Variants in GPC4 observed in about 807,000 individuals in gnomAD.
The protein encoded by GPC4 is glypican 4, also known as glypican-4.
GPC4 carries 10 observed loss-of-function variants against 35.0 expected under a neutral mutation model. The observed-to-expected ratio is 0.29, with a 90% CI of 0.18 to 0.48. GPC4 has a LOEUF of 0.48. GPC4 is among the 20% of genes least tolerant of loss of function. The pLI, the probability that GPC4 is intolerant of heterozygous loss-of-function variation, is 0.99. For synonymous variants in GPC4, 167 were observed against 170.2 expected (o/e 0.98, Z 0.15); for missense variants, 322 against 451.3 (o/e 0.71, Z 2.60).
rs769183358 is a variant in GPC4 at position 133,414,979 on chromosome X, G to C, written c.-14C>G. On this transcript the variant is annotated 5_prime_UTR_variant, in exon 1 of 9. Transcript: ENST00000370828. ...GAACCGTGCCATGGTGCGGGCCGGG[G>C]CGGACGCGTTCCCACCTTTGGGACC... 8.3e-7 allele frequency: 1 copy of C among 1,204,984 alleles called. No homozygotes were observed. Among genetic ancestry groups the C allele is most frequent in the Non-Finnish European group, 1.1e-6 (1 of 891,322 alleles).
chrX:133,334,131 T>C (rs1756974707), intron 2 of GPC4, among the ~76,000 whole-genome samples: 1 of 112,220 alleles, frequency 8.9e-6, no homozygotes, highest in South Asian at 3.7e-4. Context: ...GTCATGCCTT[T>C]CACGGGCATA....
intron 2 of GPC4, among the ~76,000 whole-genome samples, chrX:133,327,086 T>C (rs2068397302): frequency 8.9e-6 from 1 of 112,868 alleles, no homozygotes; most frequent in Non-Finnish European, 1.9e-5. Flanking sequence ...TCCAGTGCTA[T>C]TAATATTTCA....
At chrX:133,398,405 G>A (rs2068753444) in intron 1 of GPC4, among the ~76,000 whole-genome samples, 1 of 111,771 alleles carries the variant, frequency 8.9e-6, no homozygotes, top group Non-Finnish European at 1.9e-5. Context: ...ATCCGAGCTA[G>A]TGTCTCTATA....
At position 133,339,223 on chromosome X, in the gene GPC4, A is replaced by C. The variant is rs748857660; in HGVS notation, c.279T>G (p.His93Gln). The C allele has an allele frequency of 4.1e-6, 5 of 1,211,386 alleles. No individual in the cohort carries two copies. Among genetic ancestry groups the C allele is most frequent in the Non-Finnish European group, 4.5e-6 (4 of 895,255 alleles). ...AACGTGAAGCAAAGACAGCTTGCAA[A>C]TGATTGCACTGTTCGCTGACCACAC... The part of the protein sequence containing the change: ...FKSVVSEQCN[H>Q]LQAVFASRYK... The change falls in exon 2 of 9, where the codon CAT (histidine) becomes CAG (glutamine). Residue 93 changes from histidine (H) to glutamine (Q), a missense_variant. By Grantham distance (24) the His-to-Gln change is conservative. Around this residue, in one of 3 missense-constraint regions of GPC4, gnomAD observed 163 missense variants for 277.2 expected, o/e 0.59. Transcript: ENST00000370828.
intron 1 of GPC4, among the ~76,000 whole-genome samples, chrX:133,345,534 G>A (rs1283233085): frequency 8.9e-6 from 1 of 112,347 alleles, no homozygotes; most frequent in East Asian, 2.8e-4. Flanking sequence ...TAAACTGGGT[G>A]TGTAAACAGA....
At chrX:133,352,768 CCT>C (rs2068522136) in intron 1 of GPC4, among the ~76,000 whole-genome samples, 2 of 110,850 alleles carry the variant, frequency 1.8e-5, no homozygotes, top group South Asian at 7.7e-4. Flanking sequence ...AGGAATAATC[CCT>C]GTTTTTTTCT....
At chrX:133,402,166 A>G (rs760220919) in intron 1 of GPC4, among the ~76,000 whole-genome samples, 1 of 112,311 alleles carries the variant, frequency 8.9e-6, no homozygotes, top group South Asian at 3.7e-4. Flanking sequence ...TGCTAACCAC[A>G]TGCTTTACAC....
chrX:133,353,207 C>A (rs994552052), intron 1 of GPC4, among the ~76,000 whole-genome samples: 2 of 111,546 alleles, frequency 1.8e-5, no homozygotes, highest in South Asian at 7.6e-4. Context: ...TTCTTTACTG[C>A]AGAACTAACC....
In GPC4 at chrX:133,414,968, T is replaced by A; in HGVS notation, c.-3A>T. On this transcript the variant is annotated 5_prime_UTR_variant, in exon 1 of 9. Transcript: ENST00000370828. Reference sequence around the variant, plus strand: ...GCGGGCAAGCCGAACCGTGCCATGGTGCGGGCCGGGGCGGACGCGTTCCCA... The same window carrying A: ...GCGGGCAAGCCGAACCGTGCCATGGAGCGGGCCGGGGCGGACGCGTTCCCA... 8.3e-7 allele frequency: 1 copy of A among 1,207,491 alleles called. No individual in the cohort carries two copies. Among genetic ancestry groups the A allele is most frequent in the Non-Finnish European group, 1.1e-6 (1 of 892,939 alleles).
intron 1 of GPC4, among the ~76,000 whole-genome samples, chrX:133,386,226 C>T (rs1489236850): frequency 3.1e-5 from 3 of 95,661 alleles, no homozygotes; most frequent in African/African-American, 1.2e-4. Context: ...CAGAAAGAGA[C>T]CCTGTCTCAA....
At chrX:133,386,757 C>A (rs1281190620) in intron 1 of GPC4, among the ~76,000 whole-genome samples, 1 of 111,883 alleles carries the variant, frequency 8.9e-6, no homozygotes, top group East Asian at 2.8e-4. Context: ...ACTACTACCC[C>A]ACCCCCAGTT....
At chrX:133,359,505 G>C (rs1160145350) in intron 1 of GPC4, among the ~76,000 whole-genome samples, 1 of 111,520 alleles carries the variant, frequency 9.0e-6, no homozygotes, top group Non-Finnish European at 1.9e-5. Context: ...ATAAAATCTA[G>C]GCAGGAGCAA....
chrX:133,331,307 A>G (rs1169983198), intron 2 of GPC4, among the ~76,000 whole-genome samples: 2 of 111,489 alleles, frequency 1.8e-5, no homozygotes, highest in East Asian at 5.7e-4. Context: ...AGTTCTGTGC[A>G]TTCGGAAATG....
chrX:133,334,952 T>A (rs1040548501), intron 2 of GPC4, among the ~76,000 whole-genome samples: 1 of 112,139 alleles, frequency 8.9e-6, no homozygotes, highest in African/African-American at 3.2e-5. Flanking sequence ...ATGGCAGCTG[T>A]AATCACCTTA....
At position 133,302,808 on chromosome X, in the gene GPC4, A is replaced by G. The variant is rs947041987; in HGVS notation, c.*59T>C. On this transcript the variant is annotated 3_prime_UTR_variant, in exon 9 of 9. Coordinates refer to ENST00000370828, the MANE Select transcript of GPC4 (RefSeq NM_001448.3). ...AAAGCAAAGTCACTAGGATGGTAGA[A>G]AAGTGATAACTGGTGCCTTTTAACT... 2.7e-6 allele frequency: 3 copies of G among 1,101,183 alleles called. No homozygotes were observed. Among genetic ancestry groups the G allele is most frequent in the Admixed American group, 2.2e-5 (1 of 44,798 alleles). 90.7% of individuals were successfully genotyped at this position (1,101,183 alleles called of 1,213,427 possible). A position where few individuals can be genotyped will look rare whatever the true frequency, so the allele number is the denominator to read the frequency against.
At chrX:133,407,335 T>C (rs1429735039) in intron 1 of GPC4, among the ~76,000 whole-genome samples, 4 of 111,407 alleles carry the variant, frequency 3.6e-5, no homozygotes, top group African/African-American at 6.5e-5. Context: ...AAGCCATGTC[T>C]TCTCCATGTA....
At position 133,352,011 on chromosome X, in the gene GPC4, G is replaced by C. The variant is rs139528996; in HGVS notation, c.161-12670C>G. Among the ~76,000 whole-genome samples the C allele has an allele frequency of 7.0e-4, 78 of 111,877 alleles. No individual in the cohort carries two copies. The East Asian group carries it at 9.0e-3, about 13-fold the overall frequency. On this transcript the variant is annotated intron_variant, in intron 1 of 8. Coordinates refer to ENST00000370828, the MANE Select transcript of GPC4 (RefSeq NM_001448.3). ...CCTCTTGAAAATTACAAGATGAACA[G>C]ACATGGATTTTATTGTTGTTCTCTA...
At chrX:133,354,188 C>CT (rs953457773) in intron 1 of GPC4, among the ~76,000 whole-genome samples, 1 of 111,692 alleles carries the variant, frequency 9.0e-6, no homozygotes, top group Admixed American at 9.5e-5. Flanking sequence ...TCGGGATATA[C>CT]TTTAAGAGTA....
chrX:133,406,885 G>A lies in GPC4; in HGVS notation c.160+7921C>T, dbSNP rs776197085. ...AGGCCAGGAGTTCAAGACCAGCCTG[G>A]CCAACATGGTGAATCCCCATCTCTA... On this transcript the variant is annotated intron_variant, in intron 1 of 8. Coordinates refer to ENST00000370828, the MANE Select transcript of GPC4 (RefSeq NM_001448.3). Among the ~76,000 whole-genome samples the A allele has an allele frequency of 4.5e-5, 5 of 110,441 alleles. No individual in the cohort carries two copies. The East Asian group carries it at 1.4e-3, about 31-fold the overall frequency.
Sources: allele counts gnomAD v4.1 joint callset (sites outside exome capture counted in the v4.1 genomes callset), GRCh38; gene constraint gnomAD v4.1.1; regional missense constraint gnomAD v4.1.1; transcripts MANE v1.5; gene names NCBI Gene and HGNC (gene_info 2026-07-23, HGNC 2026-07-21).